USH2A: variants seen among roughly 807,000 people sequenced by gnomAD.
USH2A encodes the protein usherin.
In USH2A, 443 loss-of-function variants were observed where a neutral mutation model predicts 538.9. The ratio of observed to expected loss-of-function variants is 0.82; its 90% confidence interval spans 0.76 to 0.89. The LOEUF (loss-of-function observed/expected upper bound fraction) is 0.89, where lower values mean the gene tolerates loss of function less well. Ranked by LOEUF, USH2A falls within the 40% of genes least tolerant of loss-of-function variation. The pLI is 0.00. For missense variants in USH2A, 6,633 were observed against 6,324.8 expected (o/e 1.05, Z -1.65); for synonymous variants, 2,413 against 2,273.5 (o/e 1.06, Z -1.75).
At chr1:216,418,348 C>T (rs956793873) in intron 3 of USH2A, among the ~76,000 whole-genome samples, 166 bp downstream of exon 3, 2 of 152,068 alleles carry the variant, frequency 1.3e-5, no homozygotes, top group Non-Finnish European at 2.9e-5. Flanking sequence ...TCAAGAGATA[C>T]ATCATTAGGT....
intron 37 of USH2A, among the ~76,000 whole-genome samples, chr1:215,960,796 T>C (rs907068702): frequency 1.1e-4 from 17 of 152,120 alleles, no homozygotes; most frequent in African/African-American, 4.1e-4. Flanking sequence ...AGTTTTTCCA[T>C]ATTCAGTTTA....
chr1:216,060,646 G>A (rs2031146158), intron 30 of USH2A, among the ~76,000 whole-genome samples: 1 of 152,090 alleles, frequency 6.6e-6, no homozygotes. Context: ...TTAGCTCAAT[G>A]TAATGCAACA....
intron 64 of USH2A, among the ~76,000 whole-genome samples, chr1:215,657,695 G>A (rs761696985): frequency 3.9e-5 from 6 of 152,074 alleles, no homozygotes; most frequent in African/African-American, 1.2e-4. Flanking sequence ...AGGGGAAGAG[G>A]GTACAGCAGG....
At chr1:216,305,927 C>T (rs2037308793) in intron 9 of USH2A, among the ~76,000 whole-genome samples, 1 of 152,222 alleles carries the variant, frequency 6.6e-6, no homozygotes, top group Non-Finnish European at 1.5e-5. Flanking sequence ...ATGCTTTTGC[C>T]TCACAGCTCT....
chr1:216,072,904 G>A lies in USH2A; in HGVS notation c.5842C>T (p.Arg1948Cys), dbSNP rs145647517. The part of the protein sequence containing the change: ...GSVYSDWSRG[R>C]TTGAAPQSVP... ...AAGTATTTACCTGCTCCTGTTGTAC[G>A]TCCTCGACTCCAATCACTATATACT... Residue 1948 changes from arginine to cysteine, a missense_variant, in exon 29 of 72, where the codon CGT becomes TGT. Transcript: ENST00000307340. 29 of 1,613,572 alleles carry A rather than the reference G, an allele frequency of 1.8e-5. No homozygotes were observed. The highest frequency in any genetic ancestry group is 1.6e-4 in the Middle Eastern group (1 of 6,082).
chr1:215,954,838 G>T (rs532962924), intron 37 of USH2A, among the ~76,000 whole-genome samples: 2 of 152,180 alleles, frequency 1.3e-5, no homozygotes, highest in South Asian at 4.1e-4. Context: ...TAACTTTCTA[G>T]TCTCATCTGT....
intron 11 of USH2A, among the ~76,000 whole-genome samples, chr1:216,288,944 AC>A (rs1255257964): frequency 3.3e-5 from 5 of 152,278 alleles, no homozygotes; most frequent in Non-Finnish European, 1.5e-5. Context: ...TTTTGGAGAA[AC>A]TATTCTTGTT....
intron 4 of USH2A, among the ~76,000 whole-genome samples, chr1:216,350,884 G>A (rs1460696018): frequency 1.3e-5 from 2 of 151,902 alleles, no homozygotes; most frequent in Non-Finnish European, 2.9e-5. Flanking sequence ...TCCCCTTTTC[G>A]CTGCCCTAAT....
chr1:215,822,099 T>C (rs892887629), intron 47 of USH2A, among the ~76,000 whole-genome samples: 2 of 151,920 alleles, frequency 1.3e-5, no homozygotes, highest in African/African-American at 4.8e-5. Flanking sequence ...TTGCTTCAGC[T>C]ATTCTGGGTG....
At chr1:215,626,098 T>G (rs1359306129) in intron 71 of USH2A, among the ~76,000 whole-genome samples, 1 of 151,854 alleles carries the variant, frequency 6.6e-6, no homozygotes, top group Non-Finnish European at 1.5e-5. Flanking sequence ...TATATGTGAT[T>G]TGAGGGTTAT....
At chr1:215,779,772 G>A (rs1661567548) in intron 55 of USH2A, 71 bp downstream of exon 55, 4 of 1,568,988 alleles carry the variant, frequency 2.5e-6, no homozygotes, top group African/African-American at 2.7e-5. Flanking sequence ...ACACACCCCT[G>A]GGATGCTTTG....
chr1:216,388,054 GC>G (rs950216060), intron 3 of USH2A, among the ~76,000 whole-genome samples: 23 of 152,112 alleles, frequency 1.5e-4, no homozygotes, highest in African/African-American at 5.6e-4. Flanking sequence ...AAAAGTCCTT[GC>G]CCAGGACTTG....
At chr1:215,856,127 C>G (rs11120670) in intron 44 of USH2A, among the ~76,000 whole-genome samples, 19,045 of 152,124 alleles carry the variant, frequency 0.13, 1,257 homozygotes, top group East Asian at 0.19. Flanking sequence ...TTAGTTTAGG[C>G]AAAGACTTTG....
chr1:215,778,210 C>A (rs532110375), intron 55 of USH2A, among the ~76,000 whole-genome samples: 2 of 152,070 alleles, frequency 1.3e-5, no homozygotes, highest in South Asian at 4.1e-4. Flanking sequence ...CACCACCATG[C>A]CCAACTGATT....
At chr1:216,074,581 T>C (rs921295488) in intron 27 of USH2A, among the ~76,000 whole-genome samples, 8 of 152,190 alleles carry the variant, frequency 5.3e-5, no homozygotes, top group African/African-American at 1.7e-4. Flanking sequence ...TTTACTATTA[T>C]CCACATTTTT....
intron 44 of USH2A, among the ~76,000 whole-genome samples, chr1:215,858,919 A>G (rs1173540747): frequency 1.3e-5 from 2 of 152,110 alleles, no homozygotes; most frequent in Non-Finnish European, 2.9e-5. Context: ...CACAATCTGG[A>G]GGCTAGAGGT....
chr1:215,742,367 GT>G (rs1377797274), intron 59 of USH2A, among the ~76,000 whole-genome samples: 1 of 151,580 alleles, frequency 6.6e-6, no homozygotes, highest in Non-Finnish European at 1.5e-5. Flanking sequence ...TAAGTTACAT[GT>G]TTTCTTTATT....
chr1:216,391,205 A>G (rs1376020778), intron 3 of USH2A, among the ~76,000 whole-genome samples: 1 of 152,220 alleles, frequency 6.6e-6, no homozygotes, highest in African/African-American at 2.4e-5. Flanking sequence ...TCTTATTGAC[A>G]TTCAATTGCG....
intron 16 of USH2A, among the ~76,000 whole-genome samples, chr1:216,203,129 TC>T (rs1479708313): frequency 6.6e-6 from 1 of 152,074 alleles, no homozygotes; most frequent in African/African-American, 2.4e-5. Context: ...AATATAGTAG[TC>T]CCCTCTTATC....
Sources: allele counts gnomAD v4.1 joint callset (sites outside exome capture counted in the v4.1 genomes callset), GRCh38; gene constraint gnomAD v4.1.1; transcripts MANE v1.5; gene names NCBI Gene and HGNC (gene_info 2026-07-23, HGNC 2026-07-21).